PTK2: variants seen among roughly 807,000 people sequenced by gnomAD.
The protein encoded by PTK2 is protein tyrosine kinase 2, also known as focal adhesion kinase 1.
Under a neutral mutation model 150.1 loss-of-function variants are expected in PTK2, and 45 were observed. The observed-to-expected ratio is 0.30, with a 90% CI of 0.24 to 0.38. The LOEUF (loss-of-function observed/expected upper bound fraction) is 0.38. Among genes scored for constraint, PTK2 ranks in the 10% least tolerant of loss-of-function variants. The pLI is 1.00. For missense variants in PTK2, 919 were observed against 1,307.3 expected (o/e 0.70, Z 4.58); for synonymous variants, 432 against 449.2 (o/e 0.96, Z 0.48).
At chr8:140,757,582 G>C (rs1004279302) in intron 16 of PTK2, among the ~76,000 whole-genome samples, 2 of 152,006 alleles carry the variant, frequency 1.3e-5, no homozygotes, top group Admixed American at 1.3e-4. Context: ...AGCATCACTA[G>C]TACACGTGTA....
intron 14 of PTK2, among the ~76,000 whole-genome samples, chr8:140,773,357 T>TAG (rs2100076619): frequency 6.6e-6 from 1 of 152,198 alleles, no homozygotes; most frequent in Non-Finnish European, 1.5e-5. Context: ...TGAGCTTACG[T>TAG]TCTAGTAAGG....
At chr8:140,939,755 C>T (rs10110778) in intron 1 of PTK2, among the ~76,000 whole-genome samples, 147,061 of 152,342 alleles carry the variant, frequency 0.97, 71,179 homozygotes, top group East Asian at 1. Flanking sequence ...AATCATTTCG[C>T]AAAAGGCTTA....
intron 1 of PTK2, among the ~76,000 whole-genome samples, chr8:140,970,375 C>G (rs780972943): frequency 2.0e-5 from 3 of 152,212 alleles, no homozygotes; most frequent in Non-Finnish European, 4.4e-5. Flanking sequence ...TAAAAATGTC[C>G]AAGAGACATT....
chr8:140,712,503 A>G (rs909498556), intron 23 of PTK2, among the ~76,000 whole-genome samples: 3 of 152,206 alleles, frequency 2.0e-5, no homozygotes, highest in African/African-American at 7.2e-5. Flanking sequence ...GTGAGTTGCA[A>G]TGTGGAATTT....
At chr8:140,733,251 G>T (rs2100050618) in intron 22 of PTK2, among the ~76,000 whole-genome samples, 2 of 152,166 alleles carry the variant, frequency 1.3e-5, no homozygotes, top group Non-Finnish European at 2.9e-5. Context: ...GCATAGAAGA[G>T]AATGTAACAG....
intron 10 of PTK2, among the ~76,000 whole-genome samples, chr8:140,806,282 G>T (rs1219066826): frequency 6.6e-6 from 1 of 152,170 alleles, no homozygotes; most frequent in East Asian, 1.9e-4. Context: ...TTTATTAAGA[G>T]TTCCTCACCA....
At position 140,726,660 on chromosome 8, in the gene PTK2, AAAGTT is replaced by A. The variant is rs563761583; in HGVS notation, c.2030+8586_2030+8590del. 5.3e-5 allele frequency among the ~76,000 whole-genome samples: 8 copies of A among 152,332 alleles called. 1 individual carries two copies. Among genetic ancestry groups the A allele is most frequent in the African/African-American group, 1.9e-4 (8 of 41,580 alleles). On this transcript the variant is annotated intron_variant, in intron 22 of 31. Transcript: ENST00000522684. ...CTGTCAACCCAAAATTCCTATCAAC[AAAGTT>A]AAGTTCAACTCATTTTTAGATAATA... is the stretch of plus-strand genomic sequence containing the variant.
At position 140,698,682 on chromosome 8, in the gene PTK2, T is replaced by C. The variant is rs1351216748; in HGVS notation, c.2499+2209A>G. Among the ~76,000 whole-genome samples the C allele has an allele frequency of 2.0e-5, 3 of 152,292 alleles. No homozygotes were observed. In the East Asian group the frequency reaches 5.8e-4, roughly 29 times the overall value. On this transcript the variant is annotated intron_variant, in intron 26 of 31. Coordinates refer to ENST00000522684, the Ensembl canonical transcript of PTK2. ...CCAGGCTGGAGTACACTGCGCCATCTTGGCTCACTGCAACCTCCGCCTCCT... is the reference window on the plus strand; with the variant it reads ...CCAGGCTGGAGTACACTGCGCCATCCTGGCTCACTGCAACCTCCGCCTCCT...
intron 1 of PTK2, among the ~76,000 whole-genome samples, chr8:140,978,333 T>G (rs1050296016): frequency 6.6e-6 from 1 of 152,120 alleles, no homozygotes; most frequent in African/African-American, 2.4e-5. Flanking sequence ...ACCTACAGAA[T>G]GGGAGAAAAT....
At chr8:140,668,393 G>A in exon 30 of PTK2, 1 of 1,613,384 alleles carries the variant, frequency 6.2e-7, no homozygotes, top group Non-Finnish European at 8.5e-7. Flanking sequence ...CAGGTTGGCA[G>A]TAGGAGGGGG....
chr8:140,757,766 T>C (rs143902061), intron 16 of PTK2, among the ~76,000 whole-genome samples: 3 of 152,292 alleles, frequency 2.0e-5, no homozygotes, highest in East Asian at 1.9e-4. Flanking sequence ...TGAGCAAGCA[T>C]GTCATGTGCC....
chr8:140,811,147 C>T (rs1047949523), intron 10 of PTK2, among the ~76,000 whole-genome samples: 2 of 152,204 alleles, frequency 1.3e-5, no homozygotes, highest in Admixed American at 6.5e-5. Flanking sequence ...TGACACCACC[C>T]ATTGGAGTGT....
At chr8:140,756,718 G>A (rs1289985393) in intron 16 of PTK2, among the ~76,000 whole-genome samples, 3 of 149,822 alleles carry the variant, frequency 2.0e-5, no homozygotes, top group African/African-American at 2.5e-5. Flanking sequence ...GGCGGGGCGC[G>A]GTGGCTCACG....
chr8:140,978,029 A>G (rs1207453828), intron 1 of PTK2, among the ~76,000 whole-genome samples: 1 of 152,204 alleles, frequency 6.6e-6, no homozygotes, highest in Admixed American at 6.5e-5. Context: ...TATTTAATAA[A>G]TGGTGCTGGG....
In PTK2 at chr8:140,793,826, G is replaced by A. The variant is rs113007425; in HGVS notation, c.1094-442C>T. ...TCTACAGGTGTGCATGGCTGCCAAC[G>A]GAATGAATGTATGAGAGAAGGCAAG... On this transcript the variant is annotated intron_variant, in intron 12 of 31. Transcript: ENST00000522684. 6.8e-3 allele frequency among the ~76,000 whole-genome samples: 1,030 copies of A among 152,292 alleles called. 12 individuals are homozygous for A. Among genetic ancestry groups the A allele is most frequent in the African/African-American group, 0.023 (967 of 41,556 alleles).
chr8:140,951,746 T>C (rs1209954614), intron 1 of PTK2, among the ~76,000 whole-genome samples: 2 of 152,088 alleles, frequency 1.3e-5, no homozygotes, highest in Admixed American at 6.6e-5. Flanking sequence ...TAGCCACGCA[T>C]GGTAGCATGT....
intron 12 of PTK2, among the ~76,000 whole-genome samples, chr8:140,798,954 C>G (rs947143864): frequency 1.3e-5 from 2 of 152,180 alleles, no homozygotes; most frequent in African/African-American, 4.8e-5. Context: ...GTAGAGATTT[C>G]TGAAAGCAAC....
At chr8:140,683,870 C>T (rs2100018356) in intron 27 of PTK2, among the ~76,000 whole-genome samples, 1 of 151,806 alleles carries the variant, frequency 6.6e-6, no homozygotes, top group South Asian at 2.1e-4. Context: ...ATAATAAGAG[C>T]CATCTATGAC....
chr8:140,700,197 A>G (rs964635179), intron 26 of PTK2, among the ~76,000 whole-genome samples: 11 of 152,276 alleles, frequency 7.2e-5, no homozygotes, highest in Admixed American at 5.9e-4. Context: ...ATGGCCCTTA[A>G]GGGTTTTGGA....
Sources: gnomAD v4.1 joint callset for allele counts (sites outside exome capture counted in the v4.1 genomes callset) on GRCh38, gnomAD v4.1.1 for gene constraint, MANE v1.5 for transcripts, NCBI Gene and HGNC (gene_info 2026-07-23, HGNC 2026-07-21) for gene names.